FRMD4A: variants seen among roughly 807,000 people sequenced by gnomAD.
FRMD4A encodes FERM domain containing 4A.
In FRMD4A, 29 loss-of-function variants were observed where a neutral mutation model predicts 129.1. The observed-to-expected ratio is 0.22, with a 90% CI of 0.17 to 0.31. FRMD4A has a LOEUF of 0.31. FRMD4A is among the 10% of genes least tolerant of loss of function. The probability of loss-of-function intolerance (pLI) is 1.00; values close to 1 mark genes in which losing one functional copy is unlikely to be tolerated. For synonymous variants in FRMD4A, 634 were observed against 571.6 expected (o/e 1.11, Z -1.56); for missense variants, 1,272 against 1,375.8 (o/e 0.92, Z 1.19).
rs531933242 is a variant in FRMD4A, at chr10:14,319,485, G to A, written c.45+10573C>T. Among the ~76,000 whole-genome samples, 150 of 151,940 alleles carry A rather than the reference G, an allele frequency of 9.9e-4. 2 individuals are homozygous for A. The highest frequency in any genetic ancestry group is 4.4e-3 in the South Asian group (21 of 4,802). ...CTACAGAAATCTTTGAGGAAGTGCC[G>A]TCATCTAATGGAACTGCATTTAACC... On this transcript the variant is annotated intron_variant, in intron 2 of 24. Transcript: ENST00000357447.
chr10:13,884,134 T>TCACACACACACA (rs1221469854), intron 2 of FRMD4A, among the ~76,000 whole-genome samples: 1 of 35,700 alleles, frequency 2.8e-5, no homozygotes, highest in Admixed American at 2.2e-4. Flanking sequence ...ACACACACGC[T>TCACACACACACA]CACACACACT....
intron 2 of FRMD4A, among the ~76,000 whole-genome samples, chr10:13,958,035 G>A (rs1257554974): frequency 1.3e-5 from 2 of 152,014 alleles, no homozygotes; most frequent in Non-Finnish European, 2.9e-5. Flanking sequence ...TTCTTCCTCT[G>A]AAATCCAGTG....
chr10:14,004,478 G>T (rs369765557), intron 2 of FRMD4A, among the ~76,000 whole-genome samples: 20 of 152,118 alleles, frequency 1.3e-4, no homozygotes, highest in Non-Finnish European at 2.5e-4. Flanking sequence ...GGAGGTGGAG[G>T]TTGCAGTGAG....
chr10:13,657,592 G>T, intron 21 of FRMD4A, 70 bp from the exon 22 acceptor site: 1 of 1,458,032 alleles, frequency 6.9e-7, no homozygotes. Context: ...CCGGGGAGGA[G>T]GGGGTCCTGA....
chr10:13,997,280 A>G (rs996630433), intron 2 of FRMD4A, among the ~76,000 whole-genome samples: 2 of 152,176 alleles, frequency 1.3e-5, no homozygotes, highest in African/African-American at 4.8e-5. Flanking sequence ...TATAGGGAGA[A>G]AACTCACTCT....
intron 2 of FRMD4A, among the ~76,000 whole-genome samples, chr10:13,982,465 GA>G (rs1259176483): frequency 7.0e-6 from 1 of 143,240 alleles, no homozygotes; most frequent in Non-Finnish European, 1.5e-5. Context: ...CCTGAGAAGG[GA>G]AGGGGAGGGG....
intron 15 of FRMD4A, among the ~76,000 whole-genome samples, chr10:13,683,594 C>T (rs188605957): frequency 2.0e-4 from 31 of 152,040 alleles, no homozygotes; most frequent in Admixed American, 1.0e-3. Flanking sequence ...GAGACCCTGT[C>T]TCTAAACAGA....
intron 2 of FRMD4A, among the ~76,000 whole-genome samples, chr10:14,037,166 C>T (rs748513053): frequency 6.6e-6 from 1 of 152,186 alleles, no homozygotes; most frequent in Non-Finnish European, 1.5e-5. Context: ...TGCACGTGTC[C>T]ACACACAAAC....
intron 2 of FRMD4A, among the ~76,000 whole-genome samples, chr10:14,293,939 GAA>G: frequency 6.6e-6 from 1 of 152,204 alleles, no homozygotes; most frequent in Non-Finnish European, 1.5e-5. Context: ...AATTTAAGAA[GAA>G]GGAGAAGAAT....
At chr10:14,170,521 G>T (rs1841421734) in intron 2 of FRMD4A, among the ~76,000 whole-genome samples, 1 of 152,158 alleles carries the variant, frequency 6.6e-6, no homozygotes, top group Non-Finnish European at 1.5e-5. Flanking sequence ...ATAAGACAGG[G>T]TCAGACAGAG....
intron 14 of FRMD4A, among the ~76,000 whole-genome samples, chr10:13,698,316 G>T (rs1354472031): frequency 6.6e-6 from 1 of 152,138 alleles, no homozygotes; most frequent in Admixed American, 6.5e-5. Flanking sequence ...GAAAGGAATG[G>T]TTGGCATGTC....
rs145555110 is a variant in FRMD4A at position 13,798,185 on chromosome 10, C to T, written c.207-1597G>A. The stretch of plus-strand genomic sequence containing the variant: ...CAGCACTTTGGGAGGCGAAGGCGAG[C>T]GGATCACTTGAGGTCTGGAGTTTGG... On this transcript the variant is annotated intron_variant, in intron 4 of 24. Transcript: ENST00000357447. Among the ~76,000 whole-genome samples the T allele has an allele frequency of 1.6e-4, 24 of 151,884 alleles. No individual in the cohort carries two copies. In the East Asian group the frequency reaches 2.7e-3, roughly 17 times the overall value.
At chr10:14,127,195 G>C (rs1442898165) in intron 2 of FRMD4A, among the ~76,000 whole-genome samples, 1 of 152,186 alleles carries the variant, frequency 6.6e-6, no homozygotes, top group Non-Finnish European at 1.5e-5. Context: ...ATTAGGCAAA[G>C]GCTCAGCATT....
chr10:14,191,459 A>G (rs1189910772), intron 2 of FRMD4A, among the ~76,000 whole-genome samples: 1 of 152,232 alleles, frequency 6.6e-6, no homozygotes, highest in Non-Finnish European at 1.5e-5. Context: ...ACCAATCCCA[A>G]TAAAAGTCCT....
chr10:14,043,433 A>G (rs749560572), intron 2 of FRMD4A, among the ~76,000 whole-genome samples: 14 of 152,058 alleles, frequency 9.2e-5, no homozygotes, highest in Non-Finnish European at 1.8e-4. Flanking sequence ...TCCTTTACCA[A>G]TTTCACTCCC....
intron 2 of FRMD4A, among the ~76,000 whole-genome samples, chr10:14,148,260 C>T (rs1840174961): frequency 6.6e-6 from 1 of 152,084 alleles, no homozygotes; most frequent in Admixed American, 6.5e-5. Flanking sequence ...CTTTAGTTTC[C>T]AGGTTAATGA....
intron 2 of FRMD4A, among the ~76,000 whole-genome samples, chr10:14,121,385 A>G (rs994196230): frequency 2.6e-5 from 4 of 152,188 alleles, no homozygotes; most frequent in Admixed American, 6.5e-5. Context: ...AACAAAAAAC[A>G]AAAAAACCAA....
intron 2 of FRMD4A, among the ~76,000 whole-genome samples, chr10:13,888,724 C>A (rs930236539): frequency 3.3e-5 from 5 of 152,072 alleles, no homozygotes; most frequent in African/African-American, 7.2e-5. Flanking sequence ...AGGTGCTACC[C>A]CAAAAATAAG....
At chr10:13,808,366 G>T (rs142209103) in intron 4 of FRMD4A, among the ~76,000 whole-genome samples, 1 of 152,142 alleles carries the variant, frequency 6.6e-6, no homozygotes, top group Non-Finnish European at 1.5e-5. Flanking sequence ...TAGAAAACAC[G>T]GTTATAAAAC....
Sources: gnomAD v4.1 joint callset for allele counts (sites outside exome capture counted in the v4.1 genomes callset) on GRCh38, gnomAD v4.1.1 for gene constraint, MANE v1.5 for transcripts, NCBI Gene and HGNC (gene_info 2026-07-23, HGNC 2026-07-21) for gene names.